The following CALR3 variants were observed in gnomAD, a reference collection of about 807,000 sequenced individuals.
The protein encoded by CALR3 is calreticulin-3.
In CALR3, 39 loss-of-function variants were observed where a neutral mutation model predicts 48.7. The ratio of observed to expected loss-of-function variants is 0.80; its 90% CI spans 0.62 to 1.05. The LOEUF is 1.05. CALR3 is among the 50% of genes least tolerant of loss of function. The probability of loss-of-function intolerance (pLI) is 0.00; values close to 1 mark genes in which losing one functional copy is unlikely to be tolerated. For missense variants in CALR3, 449 were observed against 474.7 expected, an observed-to-expected ratio of 0.95 and a Z score of 0.50; for synonymous variants, 185 against 172.7, an observed-to-expected ratio of 1.07 and a Z score of -0.56.
At chr19:16,485,682 C>A (rs2093388041) in intron 3 of CALR3, among the ~76,000 whole-genome samples, 1 of 150,418 alleles carries the variant, frequency 6.6e-6, no homozygotes, top group African/African-American at 2.5e-5. Context: ...GAGACAGAGT[C>A]TCACTCTGTC....
At chr19:16,491,223 C>T (rs202083150) in intron 2 of CALR3, among the ~76,000 whole-genome samples, 2 of 151,382 alleles carry the variant, frequency 1.3e-5, no homozygotes, top group Admixed American at 6.6e-5. Flanking sequence ...CCTGGGTTCA[C>T]GCCATTCTCC....
At position 16,485,632 on chromosome 19, in the gene CALR3, A is replaced by G. The variant is rs887962192; in HGVS notation, c.398-375T>C. ...CACGTGCAGTCCATTCTTCTTACAT[A>G]TAATCAGATATTCACACTAAGATAT... On this transcript the variant is annotated intron_variant, in intron 3 of 8. Transcript: ENST00000269881. Among the ~76,000 whole-genome samples the G allele has an allele frequency of 3.3e-5, 5 of 151,376 alleles. No individual in the cohort carries two copies. The Admixed American group carries it at 3.3e-4, about 10-fold the overall frequency.
At position 16,495,071 on chromosome 19, in the gene CALR3, A is replaced by G. The variant is rs1469121414; in HGVS notation, c.193+680T>C. Among the ~76,000 whole-genome samples the G allele has an allele frequency of 3.7e-4, 56 of 151,702 alleles. 1 individual carries two copies. Among genetic ancestry groups the G allele is most frequent in the Non-Finnish European group, 5.9e-5 (4 of 67,928 alleles). On this transcript the variant is annotated intron_variant, in intron 2 of 8. Transcript: ENST00000269881. ...GCAATGTGGTGAAACTCTGTCTCTAAAAAAATTAGCAGGGCATGGTGGCGC... is the reference window on the plus strand; with the variant it reads ...GCAATGTGGTGAAACTCTGTCTCTAGAAAAATTAGCAGGGCATGGTGGCGC...
intron 2 of CALR3, among the ~76,000 whole-genome samples, chr19:16,495,227 CAAAAAAAA>C (rs548752979): frequency 0.67 from 82,151 of 123,376 alleles, 25,948 homozygotes; most frequent in Middle Eastern, 0.78. Flanking sequence ...CTCCTACTAC[CAAAAAAAA>C]AAAAAAAAAA....
chr19:16,487,732 G>C (rs1332567241), intron 3 of CALR3, among the ~76,000 whole-genome samples: 1 of 151,960 alleles, frequency 6.6e-6, no homozygotes, highest in Non-Finnish European at 1.5e-5. Flanking sequence ...CTGCCTCCCA[G>C]GTTCAGGTGA....
At chr19:16,485,959 CAT>C (rs2093388438) in intron 3 of CALR3, among the ~76,000 whole-genome samples, 1 of 152,116 alleles carries the variant, frequency 6.6e-6, no homozygotes, top group South Asian at 2.1e-4. Context: ...CATCTGGTCA[CAT>C]GTGTGAATAT....
rs1246683291 is a variant in CALR3, at chr19:16,482,718, C to A, written c.746G>T (p.Gly249Val). ...KQSDWNGDLD[G>V]DWPAPMLQKP... ...CTGGAGCATCGGCGCTGGCCAGTCC[C>A]CATCCAGGTCACCGTTCCAGTCGCT... is the stretch of plus-strand genomic sequence containing the variant. The change falls in exon 6 of 9, where the codon GGG (glycine) becomes GTG (valine). Residue 249 changes from glycine to valine, a missense_variant. Coordinates refer to ENST00000269881, the MANE Select transcript of CALR3 (RefSeq NM_145046.5). 6.2e-7 allele frequency: 1 copy of A among 1,614,046 alleles called. No homozygotes were observed. The highest frequency in any genetic ancestry group is 1.7e-5 in the Admixed American group (1 of 60,004).
intron 3 of CALR3, 148 bp from the exon 4 acceptor site, chr19:16,485,405 T>C (rs1384855162): frequency 3.2e-6 from 2 of 626,464 alleles, no homozygotes; most frequent in East Asian, 2.9e-5. Flanking sequence ...CGGAAACTTC[T>C]GCCTCTTGGG....
chr19:16,481,897 C>A (rs1187009317), intron 7 of CALR3, among the ~76,000 whole-genome samples: 1 of 136,268 alleles, frequency 7.3e-6, no homozygotes, highest in African/African-American at 2.7e-5. Flanking sequence ...TTCTGAGACT[C>A]CCATCTCTTT....
In CALR3 at chr19:16,479,075, ATAGAT is replaced by A. The variant is rs1406170785; in HGVS notation, c.*51_*55del. 5.5e-5 allele frequency: 89 copies of A among 1,603,804 alleles called. No homozygotes were observed. Among genetic ancestry groups the A allele is most frequent in the Non-Finnish European group, 7.3e-5 (86 of 1,170,932 alleles). ...CCATGTAGACATTTGAGTTTGAAACATAGATTAAAGTAGCAATGAGATTTTACCAG... is the reference window on the plus strand; with the variant it reads ...CCATGTAGACATTTGAGTTTGAAACATAAAGTAGCAATGAGATTTTACCAG... On this transcript the variant is annotated 3_prime_UTR_variant, in exon 9 of 9. Transcript: ENST00000269881.
chr19:16,482,722 C>A lies in CALR3; in HGVS notation c.742G>T (p.Asp248Tyr). 3.1e-6 allele frequency: 5 copies of A among 1,614,040 alleles called. No homozygotes were observed. Among genetic ancestry groups the A allele is most frequent in the Non-Finnish European group, 4.2e-6 (5 of 1,179,992 alleles). Residue 248 changes from aspartate (D) to tyrosine (Y), a missense_variant, in exon 6 of 9, where the codon GAT (aspartate) becomes TAT (tyrosine). Coordinates refer to ENST00000269881, the MANE Select transcript of CALR3 (RefSeq NM_145046.5). ...AGCATCGGCGCTGGCCAGTCCCCAT[C>A]CAGGTCACCGTTCCAGTCGCTCTGC... ...SKQSDWNGDL[D>Y]GDWPAPMLQK...
intron 8 of CALR3, 33 bp from the exon 9 acceptor site, chr19:16,479,307 C>CG (rs759359291): frequency 1.2e-6 from 2 of 1,612,516 alleles, no homozygotes; most frequent in Non-Finnish European, 1.7e-6. Flanking sequence ...TAAGCCCCAC[C>CG]GGGTGCGATG....
chr19:16,484,847 A>G (rs553904892), intron 4 of CALR3, among the ~76,000 whole-genome samples: 32 of 152,186 alleles, frequency 2.1e-4, no homozygotes, highest in Non-Finnish European at 2.9e-4. Flanking sequence ...TTCATCCTGA[A>G]TATTTCATTC....
At chr19:16,489,122 G>C (rs1162496873) in intron 3 of CALR3, among the ~76,000 whole-genome samples, 1 of 152,200 alleles carries the variant, frequency 6.6e-6, no homozygotes, top group African/African-American at 2.4e-5. Flanking sequence ...TAGTTCACAG[G>C]TTATATAAAC....
intron 7 of CALR3, 49 bp from the exon 8 acceptor site, chr19:16,480,755 T>C (rs1174465551): frequency 1.1e-5 from 14 of 1,288,358 alleles, no homozygotes; most frequent in Non-Finnish European, 1.6e-5. Flanking sequence ...TTCTTTATTA[T>C]TTGTTTATTT....
At chr19:16,492,698 A>G (rs2093399890) in intron 2 of CALR3, among the ~76,000 whole-genome samples, 1 of 150,676 alleles carries the variant, frequency 6.6e-6, no homozygotes, top group African/African-American at 2.4e-5. Context: ...CCCTGTCTCT[A>G]CTAAAAAAAA....
intron 8 of CALR3, among the ~76,000 whole-genome samples, chr19:16,479,496 G>A (rs546999453): frequency 2.0e-5 from 3 of 151,582 alleles, no homozygotes; most frequent in African/African-American, 7.3e-5. Context: ...GCTGAGGCAG[G>A]AGAATGGCCT....
At chr19:16,480,839 T>A in intron 7 of CALR3, 133 bp from the exon 8 acceptor site, 1 of 725,980 alleles carries the variant, frequency 1.4e-6, no homozygotes, top group Non-Finnish European at 2.3e-6. Flanking sequence ...GGGGTCTTGC[T>A]ATGTTGCCTA....
intron 8 of CALR3, among the ~76,000 whole-genome samples, chr19:16,479,493 C>A (rs2093377200): frequency 6.7e-6 from 1 of 148,368 alleles, no homozygotes; most frequent in Non-Finnish European, 1.5e-5. Context: ...GAGGCTGAGG[C>A]AGGAGAATGG....
Sources: allele counts gnomAD v4.1 joint callset (sites outside exome capture counted in the v4.1 genomes callset), GRCh38; gene constraint gnomAD v4.1.1; transcripts MANE v1.5; gene names NCBI Gene and HGNC (gene_info 2026-07-23, HGNC 2026-07-21).